The following MSH4 variants were observed in gnomAD, a reference collection of about 807,000 sequenced individuals.
The protein encoded by MSH4 is mutS homolog 4.
Under a neutral mutation model 113.7 loss-of-function variants are expected in MSH4, and 106 were observed. The ratio of observed to expected loss-of-function variants is 0.93; its 90% CI spans 0.80 to 1.10. The LOEUF (loss-of-function observed/expected upper bound fraction) is 1.10, where lower values mean the gene tolerates loss of function less well. MSH4 is among the 50% of genes least tolerant of loss of function. The pLI is 0.00. For missense variants in MSH4, 1,061 were observed against 1,093.7 expected, an observed-to-expected ratio of 0.97 and a Z score of 0.42; for synonymous variants, 368 against 380.2, an observed-to-expected ratio of 0.97 and a Z score of 0.37.
intron 8 of MSH4, among the ~76,000 whole-genome samples, chr1:75,851,799 A>G (rs1651193959): frequency 6.6e-6 from 1 of 152,174 alleles, no homozygotes; most frequent in South Asian, 2.1e-4. Flanking sequence ...CCCTACCATT[A>G]TGCTATTATT....
rs568766405 is a variant in MSH4 at position 75,881,347 on chromosome 1, A to G, written c.1883A>G (p.His628Arg). 3.7e-6 allele frequency: 6 copies of G among 1,611,840 alleles called. No individual in the cohort carries two copies. In the South Asian group the frequency reaches 5.5e-5, roughly 15 times the overall value. Residue 628 changes from histidine (H) to arginine (R), a missense_variant, in exon 14 of 20, where the codon CAT becomes CGT. Transcript: ENST00000263187. ...SMLDMLLSFA[H>R]ACTLSDYVRP... Reference sequence around the variant, plus strand: ...CTGGATATGCTACTGTCATTTGCTCATGCCTGCACTCTTTCTGACTATGGT... The same window carrying G: ...CTGGATATGCTACTGTCATTTGCTCGTGCCTGCACTCTTTCTGACTATGGT...
Position 75,897,927 on chromosome 1 carries a change from A to G in MSH4, c.2376A>G (p.Thr792=). ...LSLKAFTLFA[T]HFLELCHIDA... is the part of the protein sequence containing the mutation. The stretch of plus-strand genomic sequence containing the variant: ...TCCAGGCATTTACACTGTTTGCTAC[A>G]CATTTCCTGGAACTATGCCATATTG... The change falls in exon 18 of 20, where the codon ACA becomes ACG. Residue 792 remains threonine, a synonymous_variant. Coordinates refer to ENST00000263187, the MANE Select transcript of MSH4 (RefSeq NM_002440.4). 1.3e-6 allele frequency: 2 copies of G among 1,569,150 alleles called. No homozygotes were observed. Among genetic ancestry groups the G allele is most frequent in the Non-Finnish European group, 1.7e-6 (2 of 1,158,850 alleles).
Position 75,890,689 on chromosome 1 carries a change from A to G in MSH4, c.2227-7A>G, listed in dbSNP as rs548991115. ...CAATGAATAAATATTAAAATTATAT[A>G]TTTCAGATAGCATATATTCTACATA... On this transcript the variant is annotated splice_region_variant and splice_polypyrimidine_tract_variant and intron_variant, in intron 16 of 19. Transcript: ENST00000263187. 47 of 1,430,702 alleles carry G rather than the reference A, an allele frequency of 3.3e-5. No individual in the cohort carries two copies. In the South Asian group the frequency reaches 6.1e-4, roughly 19 times the overall value. 88.6% of individuals were successfully genotyped at this position (1,430,702 alleles called of 1,614,324 possible).
chr1:75,854,013 G>GTGTATATATATATATATATATATA (rs1353448679), intron 8 of MSH4, among the ~76,000 whole-genome samples: 1 of 116,836 alleles, frequency 8.6e-6, no homozygotes, highest in Non-Finnish European at 1.9e-5. Flanking sequence ...GTGTGTGTGT[G>GTGTATATATATATATATATATATA]TATATATATA....
chr1:75,901,186 T>C (rs1652497992), intron 19 of MSH4, among the ~76,000 whole-genome samples: 1 of 152,208 alleles, frequency 6.6e-6, no homozygotes, highest in African/African-American at 2.4e-5. Context: ...TCTTATCTTC[T>C]AGCTATTTTG....
chr1:75,856,185 G>A (rs1651312252), intron 8 of MSH4, among the ~76,000 whole-genome samples: 1 of 151,676 alleles, frequency 6.6e-6, no homozygotes, highest in South Asian at 2.1e-4. Context: ...AATTCAGTAA[G>A]CTAAGAATCT....
At chr1:75,834,722 G>T (rs1295592697) in intron 7 of MSH4, among the ~76,000 whole-genome samples, 2 of 152,142 alleles carry the variant, frequency 1.3e-5, no homozygotes, top group Non-Finnish European at 2.9e-5. Context: ...TAGGTGGGAA[G>T]TGAACAATGA....
At position 75,797,074 on chromosome 1, in the gene MSH4, G is replaced by A. The variant is rs768580249; in HGVS notation, c.89G>A (p.Arg30His). ...SGETRSPQGPRYNFGLQETPQ... is the reference protein window; with the variant it reads ...SGETRSPQGPHYNFGLQETPQ... ...GAAACCCGCTCACCTCAGGGTCCCC[G>A]CTACAATTTCGGACTCCAGGAGACT... The change falls in exon 1 of 20, where the codon CGC becomes CAC. Residue 30 changes from arginine to histidine, a missense_variant. By Grantham distance (29) the Arg-to-His change is conservative (BLOSUM62 0). Coordinates refer to ENST00000263187, the MANE Select transcript of MSH4 (RefSeq NM_002440.4). 13 of 1,614,040 alleles carry A rather than the reference G, an allele frequency of 8.1e-6. No individual in the cohort carries two copies. Among genetic ancestry groups the A allele is most frequent in the Non-Finnish European group, 1.1e-5 (13 of 1,179,916 alleles).
intron 9 of MSH4, among the ~76,000 whole-genome samples, chr1:75,872,150 A>G (rs1162766139): frequency 6.6e-6 from 1 of 152,176 alleles, no homozygotes; most frequent in Admixed American, 6.5e-5. Flanking sequence ...CATCTGTAAT[A>G]TATCTTTCCT....
intron 7 of MSH4, among the ~76,000 whole-genome samples, chr1:75,839,061 T>A (rs1650894021): frequency 6.6e-6 from 1 of 152,186 alleles, no homozygotes. Context: ...ATTCTGTTAT[T>A]CCCAAGACAA....
chr1:75,886,745 T>C (rs556547103), intron 15 of MSH4, among the ~76,000 whole-genome samples: 7 of 139,004 alleles, frequency 5.0e-5, no homozygotes, highest in African/African-American at 1.6e-4. Flanking sequence ...AAATATATTA[T>C]ATACATTATA....
intron 6 of MSH4, among the ~76,000 whole-genome samples, chr1:75,821,427 G>A (rs1308236759): frequency 6.6e-6 from 1 of 151,402 alleles, no homozygotes; most frequent in Non-Finnish European, 1.5e-5. Flanking sequence ...GAAATTTATA[G>A]CACTAAATGC....
At chr1:75,886,396 T>C (rs1306600909) in intron 15 of MSH4, among the ~76,000 whole-genome samples, 2 of 113,510 alleles carry the variant, frequency 1.8e-5, no homozygotes, top group East Asian at 5.1e-4. Context: ...GTATATATGA[T>C]GTATTATATA....
intron 2 of MSH4, 146 bp from the exon 3 acceptor site, chr1:75,806,835 C>A (rs1346445251): frequency 4.4e-6 from 3 of 677,758 alleles, no homozygotes; most frequent in Non-Finnish European, 6.9e-6. Context: ...CCAATAGATC[C>A]TTTAGGGAGA....
chr1:75,835,098 A>G (rs1486892989), intron 7 of MSH4, among the ~76,000 whole-genome samples: 3 of 152,184 alleles, frequency 2.0e-5, no homozygotes, highest in South Asian at 4.1e-4. Context: ...TCTGTCTTCC[A>G]TACCTCCACT....
intron 15 of MSH4, among the ~76,000 whole-genome samples, chr1:75,888,688 T>C (rs1652182763): frequency 6.6e-6 from 1 of 152,090 alleles, no homozygotes. Context: ...ATACATACCA[T>C]GTATAATGAT....
intron 17 of MSH4, among the ~76,000 whole-genome samples, chr1:75,896,437 T>A (rs1055759804): frequency 6.6e-6 from 1 of 151,410 alleles, no homozygotes; most frequent in African/African-American, 2.4e-5. Context: ...TAATACAGTA[T>A]CTGTTTTCTT....
At chr1:75,810,412 A>ATTTTTT (rs760146124) in intron 3 of MSH4, among the ~76,000 whole-genome samples, 5 of 104,484 alleles carry the variant, frequency 4.8e-5, no homozygotes, top group Non-Finnish European at 7.3e-5. Context: ...TAATTTTTGT[A>ATTTTTT]TTTTTTTTTT....
At chr1:75,876,784 C>A in intron 9 of MSH4, 152 bp from the exon 10 acceptor site, 1 of 380,592 alleles carries the variant, frequency 2.6e-6, no homozygotes, top group Non-Finnish European at 4.7e-6. Context: ...CTATCCTCAG[C>A]TAGATAGCTA....
Sources: gnomAD v4.1 joint callset for allele counts (sites outside exome capture counted in the v4.1 genomes callset) on GRCh38, gnomAD v4.1.1 for gene constraint, MANE v1.5 for transcripts, NCBI Gene and HGNC (gene_info 2026-07-23, HGNC 2026-07-21) for gene names.